Variants in HIPK2 observed in about 807,000 individuals in gnomAD.
HIPK2 encodes the protein homeodomain interacting protein kinase 2.
A neutral mutation model predicts 113.7 loss-of-function variants in HIPK2; 27 were observed. That is an observed-to-expected ratio of 0.24 (90% CI 0.17 to 0.33). The LOEUF is 0.33. Among genes scored for constraint, HIPK2 ranks in the 10% least tolerant of loss-of-function variants. The probability of loss-of-function intolerance (pLI) is 1.00; values close to 1 mark genes in which losing one functional copy is unlikely to be tolerated. For missense variants in HIPK2, 1,257 were observed against 1,588.0 expected, an observed-to-expected ratio of 0.79 and a Z score of 3.54; for synonymous variants, 631 against 642.2, an observed-to-expected ratio of 0.98 and a Z score of 0.26.
intron 6 of HIPK2, among the ~76,000 whole-genome samples, chr7:139,621,912 G>A (rs1800246020): frequency 1.7e-5 from 2 of 120,164 alleles, no homozygotes; most frequent in Non-Finnish European, 1.6e-5. Flanking sequence ...GACAGGGTGA[G>A]ACCCTGTCTC....
At chr7:139,675,692 G>C (rs1399366817) in intron 2 of HIPK2, among the ~76,000 whole-genome samples, 1 of 152,206 alleles carries the variant, frequency 6.6e-6, no homozygotes, top group Non-Finnish European at 1.5e-5. Flanking sequence ...TCACCAGAGA[G>C]GAAGTTAGCA....
rs770000448 is a variant in HIPK2, at chr7:139,626,833, C to G, written c.1435-48G>C. On this transcript the variant is annotated intron_variant, in intron 5 of 14. Transcript: ENST00000406875. ...TACCAAGGAAGACCCCAGCGTGCCTCCCCTCTCCTGGCTCCCCTTATTTTT... is the reference window on the plus strand; with the variant it reads ...TACCAAGGAAGACCCCAGCGTGCCTGCCCTCTCCTGGCTCCCCTTATTTTT... The G allele has an allele frequency of 3.7e-6, 6 of 1,604,146 alleles. No homozygotes were observed. In the South Asian group the frequency reaches 6.6e-5, roughly 18 times the overall value.
chr7:139,583,762 G>A (rs2116546148), intron 13 of HIPK2, 55 bp downstream of exon 13: 1 of 1,574,902 alleles, frequency 6.3e-7, no homozygotes, highest in Non-Finnish European at 8.6e-7. Context: ...CAGCAGAAAA[G>A]CAGGAAAACC....
intron 9 of HIPK2, among the ~76,000 whole-genome samples, chr7:139,606,619 G>A (rs1415176761): frequency 6.6e-6 from 1 of 152,146 alleles, no homozygotes; most frequent in Non-Finnish European, 1.5e-5. Context: ...TGGTGTACAT[G>A]CTTATACCAC....
chr7:139,624,081 G>A (rs1028102288), intron 6 of HIPK2, among the ~76,000 whole-genome samples: 10 of 150,998 alleles, frequency 6.6e-5, no homozygotes, highest in African/African-American at 2.4e-4. Context: ...GGAGTGCAGT[G>A]GCACTATCTC....
chr7:139,630,984 C>T lies in HIPK2; in HGVS notation c.1347+181G>A, dbSNP rs556945960. On this transcript the variant is annotated intron_variant, in intron 4 of 14. Transcript: ENST00000406875. The surrounding 1 kb of genome is among the most constrained non-coding windows in gnomAD (Gnocchi z 4.0). ...CATAAGGTTGGACTCTCACAGGCGG[C>T]GATAGGCCAAGGGAAAGAGGGGCTT... The T allele has an allele frequency of 2.1e-5, 7 of 336,826 alleles. No individual in the cohort carries two copies. Among genetic ancestry groups the T allele is most frequent in the African/African-American group, 1.6e-4 (7 of 44,866 alleles). The allele number at this position is 336,826 out of a possible 1,614,324, so 20.9% of individuals were successfully genotyped here.
At chr7:139,696,404 G>A (rs1340154723) in intron 2 of HIPK2, among the ~76,000 whole-genome samples, 3 of 151,762 alleles carry the variant, frequency 2.0e-5, no homozygotes, top group Admixed American at 6.6e-5. Flanking sequence ...GAGACCCCCC[G>A]CCACCAATCC....
intron 2 of HIPK2, among the ~76,000 whole-genome samples, chr7:139,671,894 G>A (rs1255705738): frequency 6.6e-6 from 1 of 152,092 alleles, no homozygotes; most frequent in Non-Finnish European, 1.5e-5. Context: ...TATGAGAAAT[G>A]GTCATCACTA....
At chr7:139,760,070 T>C (rs1202372366) in intron 1 of HIPK2, among the ~76,000 whole-genome samples, 4 of 151,888 alleles carry the variant, frequency 2.6e-5, no homozygotes, top group Non-Finnish European at 4.4e-5. Flanking sequence ...TGGCGTGATC[T>C]TGACTCACTG....
intron 2 of HIPK2, among the ~76,000 whole-genome samples, chr7:139,706,858 T>C (rs145223371): frequency 6.6e-6 from 1 of 152,370 alleles, no homozygotes; most frequent in Non-Finnish European, 1.5e-5. Context: ...CCCAGCACAC[T>C]GTGGGTCACA....
At chr7:139,702,367 G>C (rs1794734651) in intron 2 of HIPK2, among the ~76,000 whole-genome samples, 1 of 152,200 alleles carries the variant, frequency 6.6e-6, no homozygotes, top group Non-Finnish European at 1.5e-5. Context: ...TCCTGGCTCT[G>C]AGCCCAGCAT....
chr7:139,761,274 A>AG (rs1796459744), intron 1 of HIPK2, among the ~76,000 whole-genome samples: 1 of 152,266 alleles, frequency 6.6e-6, no homozygotes, highest in Non-Finnish European at 1.5e-5. Flanking sequence ...GGTTCAGGCA[A>AG]GAATGACCAC....
At chr7:139,752,724 G>GAA (rs768536532) in intron 1 of HIPK2, among the ~76,000 whole-genome samples, 2 of 104,686 alleles carry the variant, frequency 1.9e-5, no homozygotes, top group Non-Finnish European at 3.9e-5. Flanking sequence ...TTTCACAGCT[G>GAA]AAAAAAAAAA....
chr7:139,609,944 GA>G, intron 9 of HIPK2, among the ~76,000 whole-genome samples: 1 of 152,260 alleles, frequency 6.6e-6, no homozygotes, highest in South Asian at 2.1e-4. Flanking sequence ...ATCCCTTACT[GA>G]CGAACATTCA....
In HIPK2 at chr7:139,630,976, A is replaced by T. The variant is rs1216069100; in HGVS notation, c.1347+189T>A. ...TCAGCAATCATAAGGTTGGACTCTC[A>T]CAGGCGGCGATAGGCCAAGGGAAAG... On this transcript the variant is annotated intron_variant, in intron 4 of 14. Transcript: ENST00000406875. The surrounding 1 kb of genome is among the most constrained non-coding windows in gnomAD (Gnocchi z 4.0). 7.7e-6 allele frequency: 2 copies of T among 260,954 alleles called. No individual in the cohort carries two copies. The highest frequency in any genetic ancestry group is 1.2e-5 in the Non-Finnish European group (2 of 167,578). The allele number at this position is 260,954 out of a possible 1,614,324, so 16.2% of individuals were successfully genotyped here. A position where few individuals can be genotyped will look rare whatever the true frequency, so the allele number is the denominator to read the frequency against.
At chr7:139,704,058 A>ACACACAC (rs2116868345) in intron 2 of HIPK2, among the ~76,000 whole-genome samples, 1 of 89,156 alleles carries the variant, frequency 1.1e-5, no homozygotes, top group Admixed American at 1.3e-4. Context: ...CCCAACACAC[A>ACACACAC]CACACCCAAC....
intron 2 of HIPK2, among the ~76,000 whole-genome samples, chr7:139,678,930 C>A (rs905691813): frequency 6.6e-6 from 1 of 152,046 alleles, no homozygotes; most frequent in African/African-American, 2.4e-5. Flanking sequence ...GCAATTGTGA[C>A]TGGGAGTTCA....
At chr7:139,764,631 T>G (rs1319380337) in intron 1 of HIPK2, among the ~76,000 whole-genome samples, 1 of 152,202 alleles carries the variant, frequency 6.6e-6, no homozygotes, top group Non-Finnish European at 1.5e-5. Flanking sequence ...GATGGCTTTA[T>G]GACTCTGGAG....
At chr7:139,648,808 C>T (rs1480193953) in intron 2 of HIPK2, among the ~76,000 whole-genome samples, 2 of 151,602 alleles carry the variant, frequency 1.3e-5, no homozygotes, top group African/African-American at 2.4e-5. Context: ...TTCCTTTCCC[C>T]GTATGTATTG....
Sources: allele counts gnomAD v4.1 joint callset (sites outside exome capture counted in the v4.1 genomes callset), GRCh38; gene constraint gnomAD v4.1.1; non-coding constraint Gnocchi (gnomAD v3.1); transcripts MANE v1.5; gene names NCBI Gene and HGNC (gene_info 2026-07-23, HGNC 2026-07-21).